MGAT4C: variants seen among roughly 807,000 people sequenced by gnomAD.
MGAT4C encodes the protein MGAT4 family member C.
MGAT4C carries 19 observed loss-of-function variants against 40.1 expected under a neutral mutation model. The ratio of observed to expected loss-of-function variants is 0.47; its 90% CI spans 0.33 to 0.70. The LOEUF (loss-of-function observed/expected upper bound fraction) is 0.70. Ranked by LOEUF, MGAT4C falls within the 30% of genes least tolerant of loss-of-function variation. The pLI, the probability that MGAT4C is intolerant of heterozygous loss-of-function variation, is 0.02. For synonymous variants in MGAT4C, 181 were observed against 187.1 expected, an observed-to-expected ratio of 0.97 and a Z score of 0.27; for missense variants, 491 against 563.2, an observed-to-expected ratio of 0.87 and a Z score of 1.30.
At position 86,779,846 on chromosome 12, in the gene MGAT4C, G is replaced by A. The variant is rs369038649; in HGVS notation, c.-261-52605C>T. On this transcript the variant is annotated intron_variant, in intron 1 of 7. Transcript: ENST00000548651. ...GAGAATGGCGTGAACCCAGGAGGTG[G>A]AGCTTGCTGTGAGCAGAGATTGCGC... 4.2e-4 allele frequency among the ~76,000 whole-genome samples: 64 copies of A among 152,198 alleles called. 1 individual carries two copies. In the East Asian group the frequency reaches 0.011, roughly 27 times the overall value.
chr12:86,746,501 T>C (rs1361686988), intron 1 of MGAT4C, among the ~76,000 whole-genome samples: 1 of 151,642 alleles, frequency 6.6e-6, no homozygotes, highest in Non-Finnish European at 1.5e-5. Flanking sequence ...TTCTCTGTCA[T>C]TCTGACATAC....
chr12:86,313,852 G>A (rs1954135841), intron 4 of MGAT4C, among the ~76,000 whole-genome samples: 1 of 152,154 alleles, frequency 6.6e-6, no homozygotes, highest in Non-Finnish European at 1.5e-5. Context: ...AATGTCTATA[G>A]AAAGAGAATT....
At chr12:86,124,606 G>A (rs757786203) in intron 1 of MGAT4C, among the ~76,000 whole-genome samples, 1 of 151,696 alleles carries the variant, frequency 6.6e-6, no homozygotes, top group African/African-American at 2.4e-5. Context: ...ATAAAATTTC[G>A]GCTGAAAATG....
At chr12:86,770,489 T>A (rs1218876275) in intron 1 of MGAT4C, among the ~76,000 whole-genome samples, 2 of 152,102 alleles carry the variant, frequency 1.3e-5, no homozygotes, top group Non-Finnish European at 2.9e-5. Flanking sequence ...GCTTTATATA[T>A]ATTTTAGGCC....
At chr12:86,801,993 T>C (rs1411753575) in intron 1 of MGAT4C, among the ~76,000 whole-genome samples, 1 of 151,974 alleles carries the variant, frequency 6.6e-6, no homozygotes, top group Non-Finnish European at 1.5e-5. Flanking sequence ...ATTGTTTTCC[T>C]CATTTCTTTG....
At chr12:86,278,066 T>C (rs1486475559) in intron 4 of MGAT4C, among the ~76,000 whole-genome samples, 1 of 152,126 alleles carries the variant, frequency 6.6e-6, no homozygotes, top group South Asian at 2.1e-4. Flanking sequence ...TTCAATTTAT[T>C]TTATCAATAT....
chr12:85,997,754 C>A (rs1447862197), intron 2 of MGAT4C, among the ~76,000 whole-genome samples: 1 of 152,166 alleles, frequency 6.6e-6, no homozygotes, highest in Non-Finnish European at 1.5e-5. Context: ...ACAGCTCTGC[C>A]CCAATGGCTT....
chr12:86,288,194 G>GTTGT (rs1280262979), intron 4 of MGAT4C, among the ~76,000 whole-genome samples: 1 of 151,700 alleles, frequency 6.6e-6, no homozygotes, highest in Admixed American at 6.6e-5. Context: ...TTTTAATGGG[G>GTTGT]TTGTTTTTTT....
rs920792609 is a variant in MGAT4C, at chr12:86,493,035, C to T, written c.-228-57770G>A. Among the ~76,000 whole-genome samples, 146 of 150,912 alleles carry T rather than the reference C, an allele frequency of 9.7e-4. 10 individuals are homozygous for T. Among genetic ancestry groups the T allele is most frequent in the African/African-American group, 3.4e-3 (139 of 40,304 alleles). ...AGAAGACATTTATGCAGCCAAAAAACACATGAAAAAATGCTCACCATCACT... is the reference window on the plus strand; with the variant it reads ...AGAAGACATTTATGCAGCCAAAAAATACATGAAAAAATGCTCACCATCACT... On this transcript the variant is annotated intron_variant, in intron 2 of 7. Coordinates refer to the MGAT4C transcript ENST00000548651.
upstream of MGAT4C, among the ~76,000 whole-genome samples, chr12:86,258,211 TTTTG>T (rs1555260169): frequency 6.6e-6 from 1 of 151,978 alleles, no homozygotes; most frequent in Admixed American, 6.6e-5. Flanking sequence ...TCAATTTTTT[TTTTG>T]TTTGTTTGTT....
chr12:86,147,618 T>A (rs1883723962), intron 1 of MGAT4C, among the ~76,000 whole-genome samples: 2 of 152,310 alleles, frequency 1.3e-5, no homozygotes, highest in South Asian at 4.1e-4. Flanking sequence ...CTGGGTGAAG[T>A]ATAATCCTAA....
intron 1 of MGAT4C, among the ~76,000 whole-genome samples, chr12:86,191,118 CA>C (rs1566117909): frequency 6.7e-5 from 10 of 148,662 alleles, no homozygotes; most frequent in African/African-American, 2.3e-4. Flanking sequence ...CACACACACA[CA>C]CACACACACA....
At chr12:86,678,935 G>T (rs1193417761) in intron 2 of MGAT4C, among the ~76,000 whole-genome samples, 1 of 151,974 alleles carries the variant, frequency 6.6e-6, no homozygotes, top group African/African-American at 2.4e-5. Context: ...AGTCCTTTGG[G>T]TATATACCCA....
chr12:86,382,367 T>G (rs1207801931), intron 3 of MGAT4C, among the ~76,000 whole-genome samples: 1 of 152,136 alleles, frequency 6.6e-6, no homozygotes, highest in Non-Finnish European at 1.5e-5. Flanking sequence ...CAGAAGAAAT[T>G]TCTAAGCAGA....
intron 1 of MGAT4C, among the ~76,000 whole-genome samples, chr12:86,119,258 T>C (rs1878952782): frequency 6.6e-6 from 1 of 152,030 alleles, no homozygotes; most frequent in African/African-American, 2.4e-5. Context: ...GGCCTAAGTA[T>C]CCAGAGGAAA....
intron 3 of MGAT4C, among the ~76,000 whole-genome samples, chr12:86,410,620 G>C (rs1227932079): frequency 6.6e-6 from 1 of 152,034 alleles, no homozygotes; most frequent in Admixed American, 6.6e-5. Context: ...TTGTAAAATA[G>C]TGGTCCTGAG....
At chr12:86,461,262 G>T (rs1354292927) in intron 2 of MGAT4C, among the ~76,000 whole-genome samples, 2 of 135,286 alleles carry the variant, frequency 1.5e-5, no homozygotes, top group Non-Finnish European at 3.1e-5. Context: ...TTTTTGAGAC[G>T]GAGTCTCGCT....
At chr12:86,579,632 T>C (rs1960702796) in intron 2 of MGAT4C, among the ~76,000 whole-genome samples, 1 of 151,574 alleles carries the variant, frequency 6.6e-6, no homozygotes, top group Non-Finnish European at 1.5e-5. Context: ...TCTGTGTACT[T>C]ACTATTAGCT....
At chr12:86,189,448 T>C (rs1374283005) in intron 1 of MGAT4C, among the ~76,000 whole-genome samples, 1 of 151,786 alleles carries the variant, frequency 6.6e-6, no homozygotes, top group Admixed American at 6.6e-5. Flanking sequence ...AAAACGAAAT[T>C]AGCATTGTGA....
Sources: allele counts gnomAD v4.1 joint callset (sites outside exome capture counted in the v4.1 genomes callset), GRCh38; gene constraint gnomAD v4.1.1; transcripts MANE v1.5; gene names NCBI Gene and HGNC (gene_info 2026-07-23, HGNC 2026-07-21).